The following IFIT3 variants were observed in gnomAD, a reference collection of about 807,000 sequenced individuals.
The protein encoded by IFIT3 is interferon-induced protein with tetratricopeptide repeats 3.
Under a neutral mutation model 2.4 loss-of-function variants are expected in IFIT3, and 2 were observed. The observed-to-expected ratio is 0.82, with a 90% CI of 0.34 to 2.60. The LOEUF (loss-of-function observed/expected upper bound fraction) is 2.60. IFIT3 is among the 30% of genes most tolerant of loss of function. IFIT3 has a pLI of 0.11. For synonymous variants in IFIT3, 203 were observed against 212.1 expected (o/e 0.96, Z 0.37); for missense variants, 481 against 562.4 (o/e 0.86, Z 1.46).
chr10:89,332,801 T>A (rs10509571), intron 1 of IFIT3, among the ~76,000 whole-genome samples: 40,505 of 152,014 alleles, frequency 0.27, 5,717 homozygotes, highest in African/African-American at 0.32. Context: ...ATGTATAGAG[T>A]TAGGCAGCCA....
rs760253880 is a variant in IFIT3, at chr10:89,339,947, T to C, written c.1292T>C (p.Leu431Pro). Residue 431 changes from leucine (L) to proline (P), a missense_variant, in exon 2 of 2, where the codon CTG becomes CCG. Physicochemically the swap from Leu to Pro is moderately conservative, Grantham distance 98 (BLOSUM62 -3). Coordinates refer to ENST00000371818, the MANE Select transcript of IFIT3 (RefSeq NM_001549.6). ...QGLIHKQNGD[L>P]LQAAKCYEKE... ...TTAATTCATAAGCAGAATGGAGATC[T>C]GCTGCAAGCAGCCAAATGTTATGAG... 6.2e-7 allele frequency: 1 copy of C among 1,614,232 alleles called. No individual in the cohort carries two copies. Among genetic ancestry groups the C allele is most frequent in the East Asian group, 2.2e-5 (1 of 44,890 alleles).
At chr10:89,336,218 G>A (rs1843738301) in intron 1 of IFIT3, among the ~76,000 whole-genome samples, 2 of 150,818 alleles carry the variant, frequency 1.3e-5, no homozygotes, top group Non-Finnish European at 3.0e-5. Flanking sequence ...AGGGAGGGAG[G>A]AAGAGAGGGA....
rs578154457 is a variant in IFIT3, at chr10:89,334,478, C to CTTTTTTTTTTTTTTTT, written c.6-4163_6-4148dup. 1.2e-3 allele frequency among the ~76,000 whole-genome samples: 30 copies of CTTTTTTTTTTTTTTTT among 25,334 alleles called. 4 individuals carry two copies. The highest frequency in any genetic ancestry group is 1.7e-3 in the Admixed American group (3 of 1,770). The allele number at this position is 25,334 out of a possible 152,430, so 16.6% of individuals were successfully genotyped here. Reference sequence around the variant, plus strand: ...TGTTTTTTCTTCTTTTTCTTTTATTCTTTTTTTTTTTTTTTTTTTTTTTTT... The same window carrying CTTTTTTTTTTTTTTTT: ...TGTTTTTTCTTCTTTTTCTTTTATTCTTTTTTTTTTTTTTTTTTTTTTTTTTTTTTTTTTTTTTTTT... On this transcript the variant is annotated intron_variant, in intron 1 of 1. Transcript: ENST00000371818.
In IFIT3 at chr10:89,339,236, ATGT is replaced by A. The variant is rs1843805418; in HGVS notation, c.583_585del (p.Val195del). 1.2e-6 allele frequency: 2 copies of A among 1,614,078 alleles called. No individual in the cohort carries two copies. The highest frequency in any genetic ancestry group is 3.3e-5 in the Admixed American group (2 of 59,998). ...CACCCAGAGAAACAGTTCTCTACTG[ATGT>A]TTTGAAGCAGGCCATTGAGCTGAGT... On this transcript the variant is annotated inframe_deletion, in exon 2 of 2. Coordinates refer to ENST00000371818, the MANE Select transcript of IFIT3 (RefSeq NM_001549.6).
chr10:89,336,533 G>A lies in IFIT3; in HGVS notation c.6-2128G>A, dbSNP rs150536131. Among the ~76,000 whole-genome samples, 1,440 of 152,276 alleles carry A rather than the reference G, an allele frequency of 9.5e-3. 15 individuals carry two copies. Among genetic ancestry groups the A allele is most frequent in the Non-Finnish European group, 0.015 (1,026 of 68,020 alleles). On this transcript the variant is annotated intron_variant, in intron 1 of 1. Transcript: ENST00000371818. Reference sequence around the variant, plus strand: ...AATAGATCAGTACACTTGCAGTAGCGGTGTGAGGGCCAGTGCTCGTCCATG... The same window carrying A: ...AATAGATCAGTACACTTGCAGTAGCAGTGTGAGGGCCAGTGCTCGTCCATG...
At chr10:89,332,507 C>A in intron 1 of IFIT3, 1 of 1,595,634 alleles carries the variant, frequency 6.3e-7, no homozygotes. Flanking sequence ...TTCATAAAAG[C>A]ACAGACCTAA....
At position 89,338,833 on chromosome 10, in the gene IFIT3, A is replaced by C; in HGVS notation, c.178A>C (p.Ile60Leu). ...KATMYNLLAYIKHLDGNNEAA... is the reference protein window; with the variant it reads ...KATMYNLLAYLKHLDGNNEAA... ...TACAATGTACAACTTGTTGGCCTACATAAAACACCTAGATGGTAACAACGA... is the reference window on the plus strand; with the variant it reads ...TACAATGTACAACTTGTTGGCCTACCTAAAACACCTAGATGGTAACAACGA... The change falls in exon 2 of 2, where the codon ATA becomes CTA. Residue 60 changes from isoleucine (I) to leucine (L), a missense_variant. By Grantham distance (5) the Ile-to-Leu change is conservative (BLOSUM62 2). Coordinates refer to ENST00000371818, the MANE Select transcript of IFIT3 (RefSeq NM_001549.6). 1 of 1,614,214 alleles carries C rather than the reference A, an allele frequency of 6.2e-7. No individual in the cohort carries two copies. The highest frequency in any genetic ancestry group is 8.5e-7 in the Non-Finnish European group (1 of 1,180,030).
chr10:89,329,826 T>C (rs1458030134), intron 1 of IFIT3, among the ~76,000 whole-genome samples: 1 of 152,150 alleles, frequency 6.6e-6, no homozygotes, highest in African/African-American at 2.4e-5. Context: ...AACAAGGCTG[T>C]TTATTTCACC....
intron 1 of IFIT3, among the ~76,000 whole-genome samples, chr10:89,329,385 T>G (rs1328919632): frequency 6.6e-6 from 1 of 152,176 alleles, no homozygotes; most frequent in Non-Finnish European, 1.5e-5. Flanking sequence ...GCAAGGCGTC[T>G]TAGTAGCCAG....
chr10:89,331,558 CT>C (rs575787253), intron 1 of IFIT3, among the ~76,000 whole-genome samples: 134 of 152,226 alleles, frequency 8.8e-4, no homozygotes, highest in African/African-American at 3.0e-3. Flanking sequence ...GCTTAATATT[CT>C]TTTGTAAAGA....
chr10:89,328,127 G>T (rs1843616861), intron 1 of IFIT3, 49 bp downstream of exon 1: 18 of 1,585,242 alleles, frequency 1.1e-5, no homozygotes, highest in Non-Finnish European at 1.5e-5. Context: ...AGTGCAAATT[G>T]TAAGTTGAGT....
At position 89,340,060 on chromosome 10, in the gene IFIT3, G is replaced by A. The variant is rs937341885; in HGVS notation, c.1405G>A (p.Glu469Lys). The change falls in exon 2 of 2, where the codon GAA becomes AAA. Residue 469 changes from glutamate (E) to lysine (K), a missense_variant. By Grantham distance (56) the Glu-to-Lys change is moderately conservative. Coordinates refer to ENST00000371818, the MANE Select transcript of IFIT3 (RefSeq NM_001549.6). ...SASELEDGSEEMGQGAVSSSP... is the reference protein window; with the variant it reads ...SASELEDGSEKMGQGAVSSSP... ...ATCTGAGCTTGAGGATGGTAGTGAGGAAATGGGCCAGGGCGCAGTCAGCTC... is the reference window on the plus strand; with the variant it reads ...ATCTGAGCTTGAGGATGGTAGTGAGAAAATGGGCCAGGGCGCAGTCAGCTC... 5 of 1,614,090 alleles carry A rather than the reference G, an allele frequency of 3.1e-6. No individual in the cohort carries two copies. In the Admixed American group the frequency reaches 6.7e-5, roughly 22 times the overall value.
chr10:89,335,188 T>G (rs1252902942), intron 1 of IFIT3: 1 of 152,186 alleles, frequency 6.6e-6, no homozygotes, highest in Non-Finnish European at 1.5e-5. Flanking sequence ...GGACCCAATT[T>G]TCAGTGGGTT....
Position 89,335,073 on chromosome 10 carries a change from T to C in IFIT3, c.6-3588T>C, listed in dbSNP as rs186052252. On this transcript the variant is annotated intron_variant, in intron 1 of 1. Transcript: ENST00000371818. Reference sequence around the variant, plus strand: ...CGAGGTCTCAGGCCTTCCAGTCCAATATATTTTGCTCCAAATTTTACTTCA... The same window carrying C: ...CGAGGTCTCAGGCCTTCCAGTCCAACATATTTTGCTCCAAATTTTACTTCA... Among the ~76,000 whole-genome samples, 33 of 152,248 alleles carry C rather than the reference T, an allele frequency of 2.2e-4. 1 individual carries two copies. The highest frequency in any genetic ancestry group is 1.4e-3 in the Admixed American group (22 of 15,300).
In IFIT3 at chr10:89,338,666, T is replaced by A. The variant is rs1447395064; in HGVS notation, c.11T>A (p.Val4Asp). 3.1e-6 allele frequency: 5 copies of A among 1,610,336 alleles called. No homozygotes were observed. In the African/African-American group the frequency reaches 6.7e-5, roughly 22 times the overall value. The change falls in exon 2 of 2, where the codon GTC becomes GAC. Residue 4 changes from valine to aspartate, a missense_variant. By Grantham distance (152) the Val-to-Asp change is radical. Coordinates refer to ENST00000371818, the MANE Select transcript of IFIT3 (RefSeq NM_001549.6). Reference protein sequence around the residue: MSEVTKNSLEKILP... With the variant: MSEDTKNSLEKILP... ...CATGTTTATTTTCTCCACAGTGAGGTCACCAAGAATTCCCTGGAGAAAATC... is the reference window on the plus strand; with the variant it reads ...CATGTTTATTTTCTCCACAGTGAGGACACCAAGAATTCCCTGGAGAAAATC...
chr10:89,334,409 G>T (rs766021671), intron 1 of IFIT3, among the ~76,000 whole-genome samples: 2 of 150,418 alleles, frequency 1.3e-5, no homozygotes, highest in Non-Finnish European at 3.0e-5. Context: ...ATCCAGGTAG[G>T]ACTGGCATTC....
Position 89,340,134 on chromosome 10 carries a change from AG to A in IFIT3, c.*8del. 1 of 1,575,204 alleles carries A rather than the reference AG, an allele frequency of 6.3e-7. No homozygotes were observed. Among genetic ancestry groups the A allele is most frequent in the Middle Eastern group, 1.9e-4 (1 of 5,378 alleles). On this transcript the variant is annotated 3_prime_UTR_variant, in exon 2 of 2. Coordinates refer to ENST00000371818, the MANE Select transcript of IFIT3 (RefSeq NM_001549.6). ...ACTCAGAGCAACTGAACTGAGACAGAGGAGGAAAACAGAGCATCAGAAGCCT... is the reference window on the plus strand; with the variant it reads ...ACTCAGAGCAACTGAACTGAGACAGAGAGGAAAACAGAGCATCAGAAGCCT...
At position 89,339,581 on chromosome 10, in the gene IFIT3, C is replaced by T. The variant is rs1309253281; in HGVS notation, c.926C>T (p.Ala309Val). 1.9e-6 allele frequency: 3 copies of T among 1,613,984 alleles called. No homozygotes were observed. Among genetic ancestry groups the T allele is most frequent in the African/African-American group, 1.3e-5 (1 of 74,936 alleles). Residue 309 changes from alanine (A) to valine (V), a missense_variant, in exon 2 of 2, where the codon GCA becomes GTA. Ala to Val is a moderately conservative substitution (Grantham distance 64). Transcript: ENST00000371818. ...AGTGGAAATAAAGAGATGATTGAAGCACTAAAGCAATATGCTATGGACTAT... is the reference window on the plus strand; with the variant it reads ...AGTGGAAATAAAGAGATGATTGAAGTACTAAAGCAATATGCTATGGACTAT... ...EASGNKEMIEALKQYAMDYSN... is the reference protein window; with the variant it reads ...EASGNKEMIEVLKQYAMDYSN...
At position 89,339,925 on chromosome 10, in the gene IFIT3, A is replaced by G; in HGVS notation, c.1270A>G (p.Ile424Val). 1 of 1,614,202 alleles carries G rather than the reference A, an allele frequency of 6.2e-7. No homozygotes were observed. The highest frequency in any genetic ancestry group is 8.5e-7 in the Non-Finnish European group (1 of 1,180,012). Residue 424 changes from isoleucine to valine, a missense_variant, in exon 2 of 2, where the codon ATT becomes GTT. Ile to Val is a conservative substitution (Grantham distance 29). Transcript: ENST00000371818. ...AAATTATTGGTATCTTCAAGGATTA[A>G]TTCATAAGCAGAATGGAGATCTGCT... ...APNYWYLQGL[I>V]HKQNGDLLQA... is the part of the protein sequence containing the mutation.
Sources: allele counts gnomAD v4.1 joint callset (sites outside exome capture counted in the v4.1 genomes callset), GRCh38; gene constraint gnomAD v4.1.1; transcripts MANE v1.5; gene names NCBI Gene and HGNC (gene_info 2026-07-23, HGNC 2026-07-21).